Variants in SEPTIN9 observed in about 807,000 individuals in gnomAD.
SEPTIN9 encodes septin-9.
Under a neutral mutation model 56.6 loss-of-function variants are expected in SEPTIN9, and 13 were observed. The ratio of observed to expected loss-of-function variants is 0.23; its 90% CI spans 0.15 to 0.37. The LOEUF (loss-of-function observed/expected upper bound fraction) is 0.37, where lower values mean the gene tolerates loss of function less well. Ranked by LOEUF, SEPTIN9 falls within the 10% of genes least tolerant of loss-of-function variation. The pLI is 1.00. For missense variants in SEPTIN9, 650 were observed against 823.1 expected (o/e 0.79, Z 2.57); for synonymous variants, 332 against 334.1 (o/e 0.99, Z 0.07).
chr17:77,498,822 T>C lies in SEPTIN9; in HGVS notation c.*164T>C. 1 of 621,522 alleles carries C rather than the reference T, an allele frequency of 1.6e-6. No homozygotes were observed. Among genetic ancestry groups the C allele is most frequent in the South Asian group, 1.5e-5 (1 of 64,746 alleles). 38.5% of individuals were successfully genotyped at this position (621,522 alleles called of 1,614,324 possible). The stretch of plus-strand genomic sequence containing the variant: ...ACAAGGGAAGGGGCCTCCCTCCGAG[T>C]GAGTCAGTGATGAGGCCGCGGCCTC... On this transcript the variant is annotated 3_prime_UTR_variant, in exon 12 of 12. Coordinates refer to ENST00000427177, the MANE Select transcript of SEPTIN9 (RefSeq NM_001113491.2).
chr17:77,386,181 G>A (rs1337569423), intron 2 of SEPTIN9, among the ~76,000 whole-genome samples: 1 of 152,186 alleles, frequency 6.6e-6, no homozygotes, highest in Non-Finnish European at 1.5e-5. Flanking sequence ...ATTTAATGAA[G>A]AGAAGAATGA....
intron 3 of SEPTIN9, among the ~76,000 whole-genome samples, chr17:77,478,419 G>C (rs1212758533): frequency 6.6e-6 from 1 of 152,198 alleles, no homozygotes; most frequent in East Asian, 1.9e-4. Context: ...AAGAGCTAGA[G>C]ATATTTGTAC....
intron 1 of SEPTIN9, among the ~76,000 whole-genome samples, chr17:77,284,777 G>A (rs948453329): frequency 5.3e-5 from 8 of 152,078 alleles, no homozygotes; most frequent in South Asian, 2.1e-4. Context: ...TTGTAGGAAC[G>A]TGCCACTGCG....
chr17:77,488,438 A>C, intron 6 of SEPTIN9, 117 bp downstream of exon 6: 1 of 965,682 alleles, frequency 1.0e-6, no homozygotes, highest in Non-Finnish European at 1.6e-6. Context: ...ACCTCCTGGG[A>C]CCTGACATGC....
Position 77,326,174 on chromosome 17 carries a change from G to A in SEPTIN9, c.76+18977G>A, listed in dbSNP as rs979803483. 1.3e-5 allele frequency among the ~76,000 whole-genome samples: 2 copies of A among 151,258 alleles called. No homozygotes were observed. Among genetic ancestry groups the A allele is most frequent in the African/African-American group, 4.9e-5 (2 of 40,986 alleles). On this transcript the variant is annotated intron_variant, in intron 2 of 11. Coordinates refer to ENST00000427177, the MANE Select transcript of SEPTIN9 (RefSeq NM_001113491.2). The surrounding 1 kb of genome is among the most constrained non-coding windows in gnomAD (Gnocchi z 5.1). ...CCATGTGGTCCGCCCAGCAACCTTT[G>A]ACCCCCAACATGACAAAATAAACCT...
intron 3 of SEPTIN9, among the ~76,000 whole-genome samples, chr17:77,406,985 A>G (rs2036104541): frequency 6.6e-6 from 1 of 152,050 alleles, no homozygotes; most frequent in African/African-American, 2.4e-5. Context: ...TGGTTTTTAT[A>G]AAGAATCCCA....
At chr17:77,365,894 G>A (rs926495315) in intron 2 of SEPTIN9, among the ~76,000 whole-genome samples, 14 of 152,152 alleles carry the variant, frequency 9.2e-5, no homozygotes, top group African/African-American at 3.4e-4. Flanking sequence ...TCCTGCTGAC[G>A]TGGAACTAGG....
chr17:77,448,779 C>A (rs2037851846), intron 3 of SEPTIN9, among the ~76,000 whole-genome samples: 1 of 150,378 alleles, frequency 6.6e-6, no homozygotes, highest in Non-Finnish European at 1.5e-5. Context: ...TTTCCTTTTT[C>A]TTTTCTTTTC....
At chr17:77,416,768 GCAGAGCACCTGGATGGCCAGTCC>G (rs369392282) in intron 3 of SEPTIN9, among the ~76,000 whole-genome samples, 26 of 152,292 alleles carry the variant, frequency 1.7e-4, no homozygotes, top group African/African-American at 6.3e-4. Flanking sequence ...GGAACTGGAT[GCAGAGCACCTGGATGGCCAGTCC>G]CAGAGTGTCT....
chr17:77,342,040 G>A (rs1353026918), intron 2 of SEPTIN9, among the ~76,000 whole-genome samples: 10 of 149,174 alleles, frequency 6.7e-5, no homozygotes, highest in Non-Finnish European at 1.3e-4. Flanking sequence ...CCGAGATCGC[G>A]CCGCTGCACT....
In SEPTIN9 at chr17:77,492,814, T is replaced by C; in HGVS notation, c.1476+98T>C. On this transcript the variant is annotated intron_variant, in intron 9 of 11. Transcript: ENST00000427177. This position sits in a 1 kb window ranked among gnomAD's most constrained non-coding sequence, Gnocchi z 5.4. ...AGGACCTTAAGCCATGAAATTATAT[T>C]CTTGGGGCCAGAGGGCACTGAGCCC... 7.7e-7 allele frequency: 1 copy of C among 1,303,582 alleles called. No individual in the cohort carries two copies. The highest frequency in any genetic ancestry group is 1.1e-6 in the Non-Finnish European group (1 of 899,412). 80.8% of individuals were successfully genotyped at this position (1,303,582 alleles called of 1,614,324 possible).
Position 77,318,997 on chromosome 17 carries a change from T to C in SEPTIN9, c.76+11800T>C, listed in dbSNP as rs1394488876. Among the ~76,000 whole-genome samples, 3 of 152,224 alleles carry C rather than the reference T, an allele frequency of 2.0e-5. No individual in the cohort carries two copies. The highest frequency in any genetic ancestry group is 4.4e-5 in the Non-Finnish European group (3 of 68,032). ...GCAGAACTGTCTTATACCAGCCCTG[T>C]GCGGCCAGGCAGGAAGGCTTCCGTG... On this transcript the variant is annotated intron_variant, in intron 2 of 11. Transcript: ENST00000427177. This position sits in a 1 kb window ranked among gnomAD's most constrained non-coding sequence, Gnocchi z 4.9.
chr17:77,300,734 C>G (rs1403557174), intron 1 of SEPTIN9, among the ~76,000 whole-genome samples: 21 of 126,454 alleles, frequency 1.7e-4, no homozygotes, highest in African/African-American at 6.4e-4. Flanking sequence ...CAAACCGCCC[C>G]CATCCCAGCT....
At position 77,369,761 on chromosome 17, in the gene SEPTIN9, G is replaced by A. The variant is rs955936440; in HGVS notation, c.77-32298G>A. ...AGCCCCTCACCTTCCTTCGCTCTCC[G>A]AGCCTCTTTTGCTTCCCTGCCAGCT... On this transcript the variant is annotated intron_variant, in intron 2 of 11. Coordinates refer to ENST00000427177, the MANE Select transcript of SEPTIN9 (RefSeq NM_001113491.2). This position sits in a 1 kb window ranked among gnomAD's most constrained non-coding sequence, Gnocchi z 4.9. Among the ~76,000 whole-genome samples the A allele has an allele frequency of 6.6e-6, 1 of 152,214 alleles. No homozygotes were observed. The highest frequency in any genetic ancestry group is 1.5e-5 in the Non-Finnish European group (1 of 68,038).
rs1412912060 is a variant in SEPTIN9 at position 77,433,014 on chromosome 17, G to A, written c.721+30311G>A. 3.3e-5 allele frequency among the ~76,000 whole-genome samples: 5 copies of A among 152,236 alleles called. No homozygotes were observed. The highest frequency in any genetic ancestry group is 1.2e-4 in the African/African-American group (5 of 41,468). ...GAGAATCCCCTGTCGCCGTGGCGGG[G>A]CTGTTCCCTCCTGCCCCTCCCCTCC... On this transcript the variant is annotated intron_variant, in intron 3 of 11. Coordinates refer to ENST00000427177, the MANE Select transcript of SEPTIN9 (RefSeq NM_001113491.2). The surrounding 1 kb of genome is among the most constrained non-coding windows in gnomAD (Gnocchi z 6.4).
At position 77,433,173 on chromosome 17, in the gene SEPTIN9, C is replaced by T. The variant is rs2037209620; in HGVS notation, c.721+30470C>T. ...TGAGATGTTCTGAGCATCGAGGATG[C>T]TGTGGGGGATCCTCCATCCCACCAT... is the stretch of plus-strand genomic sequence containing the variant. On this transcript the variant is annotated intron_variant, in intron 3 of 11. Coordinates refer to ENST00000427177, the MANE Select transcript of SEPTIN9 (RefSeq NM_001113491.2). This position sits in a 1 kb window ranked among gnomAD's most constrained non-coding sequence, Gnocchi z 6.4. Among the ~76,000 whole-genome samples the T allele has an allele frequency of 1.3e-5, 2 of 152,144 alleles. No homozygotes were observed.
Position 77,445,931 on chromosome 17 carries a change from A to T in SEPTIN9, c.722-36213A>T, listed in dbSNP as rs139827259. ...TCAGCTTTGAGATGAGTCTCTGTGG[A>T]TGTGGGAAGTTCACTATCTCAAGAG... On this transcript the variant is annotated intron_variant, in intron 3 of 11. Transcript: ENST00000427177. This position sits in a 1 kb window ranked among gnomAD's most constrained non-coding sequence, Gnocchi z 4.7. 2.2e-3 allele frequency: 375 copies of T among 172,232 alleles called. 2 individuals are homozygous for T. Among genetic ancestry groups the T allele is most frequent in the African/African-American group, 8.4e-3 (349 of 41,590 alleles). The allele number at this position is 172,232 out of a possible 1,614,324, so 10.7% of individuals were successfully genotyped here.
chr17:77,333,163 C>T (rs1024669730), intron 2 of SEPTIN9, among the ~76,000 whole-genome samples: 2 of 152,154 alleles, frequency 1.3e-5, no homozygotes, highest in African/African-American at 2.4e-5. Context: ...TTCTGGTGGG[C>T]GTGTAGTGGT....
At chr17:77,328,057 C>T (rs926478636) in intron 2 of SEPTIN9, among the ~76,000 whole-genome samples, 6 of 151,310 alleles carry the variant, frequency 4.0e-5, no homozygotes, top group African/African-American at 1.5e-4. Flanking sequence ...AGGGTTTCCC[C>T]GTGCCCAGGG....
Sources: allele counts gnomAD v4.1 joint callset (sites outside exome capture counted in the v4.1 genomes callset), GRCh38; gene constraint gnomAD v4.1.1; non-coding constraint Gnocchi (gnomAD v3.1); transcripts MANE v1.5; gene names NCBI Gene and HGNC (gene_info 2026-07-23, HGNC 2026-07-21).